LIMS1: variants seen among roughly 807,000 people sequenced by gnomAD.
LIMS1 encodes the protein LIM zinc finger domain containing 1.
Under a neutral mutation model 44.1 loss-of-function variants are expected in LIMS1, and 18 were observed. The ratio of observed to expected loss-of-function variants is 0.41; its 90% CI spans 0.28 to 0.61. The LOEUF is 0.61. LIMS1 is among the 20% of genes least tolerant of loss of function. The pLI, the probability that LIMS1 is intolerant of heterozygous loss-of-function variation, is 0.32. For synonymous variants in LIMS1, 93 were observed against 149.1 expected (o/e 0.62, Z 2.74); for missense variants, 201 against 422.0 (o/e 0.48, Z 4.59).
chr2:108,650,089 CT>C (rs1328331191), intron 1 of LIMS1, among the ~76,000 whole-genome samples: 1 of 152,212 alleles, frequency 6.6e-6, no homozygotes, highest in Non-Finnish European at 1.5e-5. Flanking sequence ...ACGAATCTGA[CT>C]TTTTTGGTAT....
chr2:108,667,100 C>T (rs1374795085), intron 2 of LIMS1, among the ~76,000 whole-genome samples: 18 of 152,086 alleles, frequency 1.2e-4, no homozygotes, highest in African/African-American at 3.1e-4. Context: ...GCTGAAAACC[C>T]CAACCATCCG....
At chr2:108,617,501 G>GA (rs1011423149) in intron 1 of LIMS1, among the ~76,000 whole-genome samples, 8 of 152,136 alleles carry the variant, frequency 5.3e-5, no homozygotes, top group Non-Finnish European at 7.4e-5. Flanking sequence ...ATGCAGAAAT[G>GA]AAAAAGCTTC....
chr2:108,535,713 A>ATT (rs1408807916), intron 1 of LIMS1, among the ~76,000 whole-genome samples: 1 of 152,122 alleles, frequency 6.6e-6, no homozygotes, highest in East Asian at 1.9e-4. Context: ...CAAAATTCTC[A>ATT]TTTTCGGTTG....
At chr2:108,652,658 C>G (rs1330698941) in intron 1 of LIMS1, among the ~76,000 whole-genome samples, 6 of 152,238 alleles carry the variant, frequency 3.9e-5, no homozygotes, top group Non-Finnish European at 7.4e-5. Context: ...TGACAGACAC[C>G]CGCACACATG....
chr2:108,607,183 A>G (rs1027178453), intron 1 of LIMS1: 7 of 1,550,208 alleles, frequency 4.5e-6, no homozygotes, highest in African/African-American at 4.1e-5. Context: ...AGAGGGTGCC[A>G]TCTATGAGCA....
intron 1 of LIMS1, among the ~76,000 whole-genome samples, chr2:108,652,534 G>C (rs1327219833): frequency 6.6e-6 from 1 of 152,268 alleles, no homozygotes; most frequent in Non-Finnish European, 1.5e-5. Flanking sequence ...GAGTGTTGGA[G>C]TGTGCAGAGG....
At chr2:108,636,313 A>G (rs984522866) in intron 1 of LIMS1, among the ~76,000 whole-genome samples, 5 of 152,210 alleles carry the variant, frequency 3.3e-5, no homozygotes, top group African/African-American at 9.6e-5. Flanking sequence ...CTGACTGCCA[A>G]GGGATGGGTG....
intron 1 of LIMS1, among the ~76,000 whole-genome samples, chr2:108,591,526 C>G (rs1340054290): frequency 6.6e-6 from 1 of 152,188 alleles, no homozygotes; most frequent in African/African-American, 2.4e-5. Flanking sequence ...GTGGCACGAT[C>G]ATGGCTCACT....
intron 1 of LIMS1, among the ~76,000 whole-genome samples, chr2:108,636,903 CA>C (rs1285145861): frequency 6.6e-6 from 1 of 152,096 alleles, no homozygotes; most frequent in Non-Finnish European, 1.5e-5. Flanking sequence ...TGTAGCTGGG[CA>C]GTGTTACATG....
intron 1 of LIMS1, among the ~76,000 whole-genome samples, chr2:108,542,333 C>T (rs541523577): frequency 1.3e-5 from 2 of 152,296 alleles, no homozygotes; most frequent in Admixed American, 6.5e-5. Context: ...TCTTAATTAC[C>T]TACTTCCACA....
intron 1 of LIMS1, among the ~76,000 whole-genome samples, chr2:108,575,347 G>A (rs1057066354): frequency 6.6e-6 from 1 of 152,190 alleles, no homozygotes; most frequent in African/African-American, 2.4e-5. Context: ...GTTAGCCAAC[G>A]TGGTGTTGAT....
intron 2 of LIMS1, among the ~76,000 whole-genome samples, chr2:108,670,247 G>C (rs996789829): frequency 2.0e-5 from 3 of 152,184 alleles, no homozygotes; most frequent in Non-Finnish European, 4.4e-5. Context: ...TGCTTTGAGA[G>C]ACTGAGGTAG....
At chr2:108,621,480 T>C (rs907488317) in intron 1 of LIMS1, 32 of 1,533,752 alleles carry the variant, frequency 2.1e-5, no homozygotes, top group Non-Finnish European at 2.7e-5. Context: ...AAAGTCATGG[T>C]TGGCTAAAGG....
At chr2:108,588,318 A>G (rs893344418) in intron 1 of LIMS1, 2 of 985,298 alleles carry the variant, frequency 2.0e-6, no homozygotes, top group Non-Finnish European at 2.4e-6. Context: ...ATATAGTTCA[A>G]GACAACAGAG....
chr2:108,662,411 C>G, intron 2 of LIMS1: 1 of 1,526,024 alleles, frequency 6.6e-7, no homozygotes, highest in Middle Eastern at 2.3e-4. Context: ...ACCCCTCACA[C>G]TGGACTATAA....
chr2:108,620,778 C>T (rs1688191834), intron 1 of LIMS1, among the ~76,000 whole-genome samples: 1 of 152,094 alleles, frequency 6.6e-6, no homozygotes. Flanking sequence ...ACTTCCTTCC[C>T]TTCTGAAGAG....
At chr2:108,619,765 ATTGT>A (rs1317579712) in intron 1 of LIMS1, among the ~76,000 whole-genome samples, 5 of 152,168 alleles carry the variant, frequency 3.3e-5, no homozygotes, top group Admixed American at 3.3e-4. Flanking sequence ...TGTAAACTAA[ATTGT>A]TTGGTATTTA....
intron 1 of LIMS1, among the ~76,000 whole-genome samples, chr2:108,543,518 C>A (rs898978253): frequency 3.3e-5 from 5 of 152,080 alleles, no homozygotes; most frequent in Admixed American, 3.3e-4. Flanking sequence ...TTAACAGGAC[C>A]CTTTTAGGAT....
At chr2:108,572,999 C>T (rs1286276360) in intron 1 of LIMS1, among the ~76,000 whole-genome samples, 1 of 152,124 alleles carries the variant, frequency 6.6e-6, no homozygotes, top group East Asian at 1.9e-4. Context: ...GTCGGTGCTT[C>T]CCAAACTGGT....
Sources: allele counts gnomAD v4.1 joint callset (sites outside exome capture counted in the v4.1 genomes callset), GRCh38; gene constraint gnomAD v4.1.1; transcripts MANE v1.5; gene names NCBI Gene and HGNC (gene_info 2026-07-23, HGNC 2026-07-21).